WDR25: variants seen among roughly 807,000 people sequenced by gnomAD.
The protein encoded by WDR25 is WD repeat domain 25.
In WDR25, 35 loss-of-function variants were observed where a neutral mutation model predicts 47.7. That is an observed-to-expected ratio of 0.73 (90% CI 0.56 to 0.97). WDR25 has a LOEUF of 0.97. Among genes scored for constraint, WDR25 ranks in the 50% least tolerant of loss-of-function variants. WDR25 has a pLI of 0.00. For synonymous variants in WDR25, 248 were observed against 278.9 expected, an observed-to-expected ratio of 0.89 and a Z score of 1.10; for missense variants, 634 against 704.7, an observed-to-expected ratio of 0.90 and a Z score of 1.14.
intron 2 of WDR25, among the ~76,000 whole-genome samples, chr14:100,442,903 A>G (rs775011398): frequency 2.0e-5 from 3 of 152,274 alleles, no homozygotes; most frequent in Non-Finnish European, 2.9e-5. Flanking sequence ...TACACAGTGT[A>G]TGGGATTTAT....
chr14:100,458,204 T>A (rs548510321), intron 2 of WDR25, among the ~76,000 whole-genome samples: 91 of 152,070 alleles, frequency 6.0e-4, no homozygotes, highest in African/African-American at 2.1e-3. Context: ...AAAAGATATA[T>A]CATACTAATA....
chr14:100,426,364 C>G (rs1202281153), intron 2 of WDR25, among the ~76,000 whole-genome samples: 3 of 152,226 alleles, frequency 2.0e-5, no homozygotes, highest in Admixed American at 6.5e-5. Context: ...TGGGATTGCC[C>G]TTCCAAAGAA....
chr14:100,413,630 G>T lies in WDR25; in HGVS notation c.822+31884G>T, dbSNP rs530838926. The stretch of plus-strand genomic sequence containing the variant: ...GGGTTTCACCGTGTTAGCCAGGATG[G>T]TCTCGATCTCCTGACCTCGTGATCC... On this transcript the variant is annotated intron_variant, in intron 2 of 6. Transcript: ENST00000402312. 2.6e-5 allele frequency among the ~76,000 whole-genome samples: 4 copies of T among 152,056 alleles called. No individual in the cohort carries two copies. The East Asian group carries it at 7.8e-4, about 30-fold the overall frequency.
At chr14:100,439,309 C>T (rs946647475) in intron 2 of WDR25, among the ~76,000 whole-genome samples, 1 of 152,202 alleles carries the variant, frequency 6.6e-6, no homozygotes, top group African/African-American at 2.4e-5. Context: ...GCCTCGGTGA[C>T]GAAGCTGCTG....
In WDR25 at chr14:100,430,593, T is replaced by G. The variant is rs1006186991; in HGVS notation, c.823-37428T>G. 1.3e-5 allele frequency among the ~76,000 whole-genome samples: 2 copies of G among 152,262 alleles called. No homozygotes were observed. Among genetic ancestry groups the G allele is most frequent in the Middle Eastern group, 3.4e-3 (1 of 294 alleles). ...AAAATGGCTTCATGTACTGATAACCTCGTACCTTATGCCAGGCAGGACTGT... is the reference window on the plus strand; with the variant it reads ...AAAATGGCTTCATGTACTGATAACCGCGTACCTTATGCCAGGCAGGACTGT... On this transcript the variant is annotated intron_variant, in intron 2 of 6. Transcript: ENST00000402312. The surrounding 1 kb of genome is among the most constrained non-coding windows in gnomAD (Gnocchi z 4.7).
At chr14:100,452,071 A>G (rs757972137) in intron 2 of WDR25, among the ~76,000 whole-genome samples, 7 of 152,160 alleles carry the variant, frequency 4.6e-5, no homozygotes, top group South Asian at 4.2e-4. Flanking sequence ...TTATCCATCT[A>G]TTTCATTCCA....
chr14:100,471,270 A>G (rs1194431000), intron 3 of WDR25, among the ~76,000 whole-genome samples: 2 of 152,104 alleles, frequency 1.3e-5, no homozygotes, highest in Non-Finnish European at 2.9e-5. Context: ...GCAGCTGCTC[A>G]GTACCTGTGT....
At position 100,526,695 on chromosome 14, in the gene WDR25, A is replaced by G. The variant is rs993854562; in HGVS notation, c.1272+655A>G. Among the ~76,000 whole-genome samples the G allele has an allele frequency of 3.4e-5, 5 of 145,446 alleles. No individual in the cohort carries two copies. The Admixed American group carries it at 3.6e-4, about 10-fold the overall frequency. On this transcript the variant is annotated intron_variant, in intron 5 of 6. Coordinates refer to ENST00000402312, the MANE Select transcript of WDR25 (RefSeq NM_001161476.3). ...CACCAGTGTCATCACTGCCACCATC[A>G]TCGTCACCATCAGTACCACCATCAG...
chr14:100,431,332 G>T (rs1898326812), intron 2 of WDR25, among the ~76,000 whole-genome samples: 3 of 152,150 alleles, frequency 2.0e-5, no homozygotes, highest in Admixed American at 1.3e-4. Context: ...TTAACCGAAA[G>T]AAATTGGTTT....
chr14:100,423,278 A>G lies in WDR25; in HGVS notation c.822+41532A>G, dbSNP rs545562632. On this transcript the variant is annotated intron_variant, in intron 2 of 6. Transcript: ENST00000402312. ...CCCCCAGCCTGATCTCCCCTGTTAT[A>G]ATAGCGTGTGCATGAAGCTTCTGTG... Among the ~76,000 whole-genome samples the G allele has an allele frequency of 1.8e-4, 27 of 152,124 alleles. No individual in the cohort carries two copies. In the South Asian group the frequency reaches 5.0e-3, roughly 28 times the overall value.
chr14:100,443,951 G>A (rs1415797445), intron 2 of WDR25, among the ~76,000 whole-genome samples: 1 of 152,130 alleles, frequency 6.6e-6, no homozygotes, highest in African/African-American at 2.4e-5. Context: ...TCTCTGTTTT[G>A]CGGCTTAGGA....
chr14:100,430,139 C>T lies in WDR25; in HGVS notation c.823-37882C>T, dbSNP rs984016919. On this transcript the variant is annotated intron_variant, in intron 2 of 6. Coordinates refer to ENST00000402312, the MANE Select transcript of WDR25 (RefSeq NM_001161476.3). This position sits in a 1 kb window ranked among gnomAD's most constrained non-coding sequence, Gnocchi z 4.7. ...AGAGGCTCTAGGCAAATCTTGCAGA[C>T]CAAGGGGGCCTGGTGTGTGTGTGTG... 1.4e-5 allele frequency among the ~76,000 whole-genome samples: 2 copies of T among 143,694 alleles called. No homozygotes were observed. The highest frequency in any genetic ancestry group is 7.4e-5 in the Admixed American group (1 of 13,550). The allele number at this position is 143,694 out of a possible 152,430, so 94.3% of individuals were successfully genotyped here.
intron 3 of WDR25, among the ~76,000 whole-genome samples, chr14:100,470,145 G>A (rs975381378): frequency 1.3e-5 from 2 of 152,210 alleles, no homozygotes; most frequent in African/African-American, 2.4e-5. Context: ...TTAGGATGGA[G>A]GAGGTATGGT....
At chr14:100,486,661 G>C (rs541136148) in intron 4 of WDR25, among the ~76,000 whole-genome samples, 7 of 152,312 alleles carry the variant, frequency 4.6e-5, no homozygotes, top group Non-Finnish European at 8.8e-5. Flanking sequence ...TCTTATCCCT[G>C]TGGGCTCCTG....
chr14:100,397,190 G>A lies in WDR25; in HGVS notation c.822+15444G>A, dbSNP rs561936589. ...TATTTCTCTGCTTGTCTCCAGCAAT[G>A]CTGTTGTCAAGGAAACCAAAACCTT... On this transcript the variant is annotated intron_variant, in intron 2 of 6. Transcript: ENST00000402312. Among the ~76,000 whole-genome samples the A allele has an allele frequency of 3.3e-5, 5 of 152,302 alleles. No individual in the cohort carries two copies. In the East Asian group the frequency reaches 9.6e-4, roughly 29 times the overall value.
At chr14:100,495,588 C>A (rs1900705486) in intron 4 of WDR25, among the ~76,000 whole-genome samples, 1 of 152,132 alleles carries the variant, frequency 6.6e-6, no homozygotes, top group African/African-American at 2.4e-5. Context: ...ATTCAGTTTT[C>A]TGGCCCTGGT....
intron 2 of WDR25, among the ~76,000 whole-genome samples, chr14:100,454,048 T>G (rs1439668217): frequency 1.3e-5 from 2 of 152,212 alleles, no homozygotes; most frequent in Non-Finnish European, 2.9e-5. Flanking sequence ...GAAGATGGTG[T>G]AAAATGAAAA....
At chr14:100,413,335 C>A (rs974333776) in intron 2 of WDR25, among the ~76,000 whole-genome samples, 18 of 152,180 alleles carry the variant, frequency 1.2e-4, no homozygotes, top group Non-Finnish European at 4.4e-5. Flanking sequence ...AGTTCCACCC[C>A]CAACCTCAGC....
intron 4 of WDR25, chr14:100,487,576 T>C (rs192171047): frequency 8.5e-5 from 13 of 152,348 alleles, no homozygotes; most frequent in African/African-American, 3.1e-4. Context: ...ACCCTATTGA[T>C]TGTCAGGACT....
Sources: gnomAD v4.1 joint callset for allele counts (sites outside exome capture counted in the v4.1 genomes callset) on GRCh38, gnomAD v4.1.1 for gene constraint, Gnocchi (gnomAD v3.1) non-coding constraint, MANE v1.5 for transcripts, NCBI Gene and HGNC (gene_info 2026-07-23, HGNC 2026-07-21) for gene names.